The following PLIN3 variants were observed in gnomAD, a reference collection of about 807,000 sequenced individuals.
PLIN3 encodes the protein perilipin 3, also known as perilipin-3.
Under a neutral mutation model 35.9 loss-of-function variants are expected in PLIN3, and 30 were observed. The ratio of observed to expected loss-of-function variants is 0.84; its 90% confidence interval spans 0.62 to 1.13. The LOEUF is 1.13. PLIN3 is among the 50% of genes most tolerant of loss of function. PLIN3 has a pLI of 0.00. For missense variants in PLIN3, 603 were observed against 596.9 expected, an observed-to-expected ratio of 1.01 and a Z score of -0.11; for synonymous variants, 261 against 262.5, an observed-to-expected ratio of 0.99 and a Z score of 0.06.
intron 2 of PLIN3, 116 bp downstream of exon 2, chr19:4,861,213 G>A: frequency 1.2e-6 from 1 of 839,644 alleles, no homozygotes; most frequent in Non-Finnish European, 2.0e-6. Context: ...AAATCCCTCT[G>A]GCTCCGTGAG....
intron 2 of PLIN3, among the ~76,000 whole-genome samples, chr19:4,860,229 C>T (rs923485051): frequency 2.0e-5 from 3 of 152,180 alleles, no homozygotes; most frequent in African/African-American, 4.8e-5. Context: ...ATTTTTGAAA[C>T]GGAGTCTTGC....
rs768626141 is a variant in PLIN3 at position 4,852,200 on chromosome 19, C to T, written c.450G>A (p.Ala150=). Residue 150 remains alanine (A), a synonymous_variant, in exon 5 of 8, where the codon GCG becomes GCA. Coordinates refer to ENST00000221957, the MANE Select transcript of PLIN3 (RefSeq NM_005817.5). ...GCACAGCACCGCGGGTCGCGTCCAC[C>T]GCCTCCGACAATTGGGTGGCCACCG... ...KDTVATQLSE[A]VDATRGAVQS... is the part of the protein sequence containing the mutation. 5.6e-5 allele frequency: 90 copies of T among 1,612,794 alleles called. No individual in the cohort carries two copies. In the South Asian group the frequency reaches 8.2e-4, roughly 15 times the overall value.
chr19:4,842,423 T>C (rs947093433), intron 7 of PLIN3, among the ~76,000 whole-genome samples: 1 of 150,998 alleles, frequency 6.6e-6, no homozygotes, highest in Non-Finnish European at 1.5e-5. Flanking sequence ...AGTGAGACTC[T>C]GTCTCAAAAA....
At chr19:4,844,081 G>A (rs971962411) in intron 7 of PLIN3, among the ~76,000 whole-genome samples, 6 of 152,098 alleles carry the variant, frequency 3.9e-5, no homozygotes, top group African/African-American at 1.4e-4. Context: ...GCTTAAGTGG[G>A]TGGTGGGACA....
At chr19:4,841,685 A>C (rs1264144279) in intron 7 of PLIN3, among the ~76,000 whole-genome samples, 1 of 151,040 alleles carries the variant, frequency 6.6e-6, no homozygotes, top group Non-Finnish European at 1.5e-5. Flanking sequence ...GTGGATCATG[A>C]GGTCAGGACG....
intron 5 of PLIN3, among the ~76,000 whole-genome samples, chr19:4,850,651 G>C (rs1224634512): frequency 9.6e-6 from 1 of 104,218 alleles, no homozygotes; most frequent in African/African-American, 4.0e-5. Context: ...AGCCAGGATG[G>C]TCTCGATCTC....
chr19:4,863,457 G>A (rs1472559033), intron 1 of PLIN3, among the ~76,000 whole-genome samples: 17 of 141,494 alleles, frequency 1.2e-4, no homozygotes, highest in African/African-American at 4.0e-4. Flanking sequence ...AGATCGCGCC[G>A]CTGCACTCCA....
At chr19:4,860,695 G>A (rs2146214590) in intron 2 of PLIN3, among the ~76,000 whole-genome samples, 1 of 152,206 alleles carries the variant, frequency 6.6e-6, no homozygotes, top group Admixed American at 6.6e-5. Context: ...TTGGGGCCAG[G>A]AGCAGTGGCT....
At position 4,840,982 on chromosome 19, in the gene PLIN3, A is replaced by G. The variant is rs374440500; in HGVS notation, c.961-1446T>C. Among the ~76,000 whole-genome samples, 425 of 152,306 alleles carry G rather than the reference A, an allele frequency of 2.8e-3. 4 individuals carry two copies. The highest frequency in any genetic ancestry group is 3.7e-3 in the Non-Finnish European group (249 of 68,020). ...ACAAACAAAAACCCCAGAGGCTATC[A>G]GATGATACCCACTGTCAGTCAAGAG... On this transcript the variant is annotated intron_variant, in intron 7 of 7. Transcript: ENST00000221957.
At position 4,861,424 on chromosome 19, in the gene PLIN3, G is replaced by C; in HGVS notation, c.-17-13C>G. 6.3e-7 allele frequency: 1 copy of C among 1,595,764 alleles called. No individual in the cohort carries two copies. The highest frequency in any genetic ancestry group is 8.6e-7 in the Non-Finnish European group (1 of 1,168,204). ...TCTGCAGCAGACGCTGAGGAGAGAG[G>C]AACAGTCAGGTACAGCCTGCCTGGC... is the stretch of plus-strand genomic sequence containing the variant. On this transcript the variant is annotated splice_polypyrimidine_tract_variant and intron_variant, in intron 1 of 7. Coordinates refer to ENST00000221957, the MANE Select transcript of PLIN3 (RefSeq NM_005817.5).
chr19:4,847,940 G>C, intron 5 of PLIN3, 50 bp from the exon 6 acceptor site: 1 of 1,359,642 alleles, frequency 7.4e-7, no homozygotes, highest in Non-Finnish European at 1.0e-6. Flanking sequence ...CACACAGCTG[G>C]GCTCGTCCCA....
At chr19:4,855,127 A>G (rs1247636335) in intron 4 of PLIN3, among the ~76,000 whole-genome samples, 2 of 151,636 alleles carry the variant, frequency 1.3e-5, no homozygotes, top group Non-Finnish European at 2.9e-5. Flanking sequence ...ATGGGCGCCT[A>G]TAATCCCAGC....
intron 6 of PLIN3, among the ~76,000 whole-genome samples, chr19:4,845,952 C>T (rs1457519843): frequency 3.4e-5 from 5 of 145,190 alleles, no homozygotes; most frequent in African/African-American, 1.3e-4. Context: ...AGGCCGGGCG[C>T]GGTGGCTCAC....
chr19:4,852,690 G>T (rs1325689707), intron 4 of PLIN3, among the ~76,000 whole-genome samples: 1 of 151,938 alleles, frequency 6.6e-6, no homozygotes, highest in Non-Finnish European at 1.5e-5. Flanking sequence ...GCCCAGGCTG[G>T]AGTGCAGTGA....
In PLIN3 at chr19:4,852,150, G is replaced by A; in HGVS notation, c.500C>T (p.Ser167Phe). 1 of 1,614,054 alleles carries A rather than the reference G, an allele frequency of 6.2e-7. No homozygotes were observed. Among genetic ancestry groups the A allele is most frequent in the Non-Finnish European group, 8.5e-7 (1 of 1,180,010 alleles). ...CGATTGGACGCCGCCGGTCACTACG[G>A]ACTTTGTCTTGTCCACGCCGCTCTG... ...AVQSGVDKTKSVVTGGVQSVM... is the reference protein window; with the variant it reads ...AVQSGVDKTKFVVTGGVQSVM... Residue 167 changes from serine (S) to phenylalanine (F), a missense_variant, in exon 5 of 8, where the codon TCC (serine) becomes TTC (phenylalanine). Transcript: ENST00000221957.
chr19:4,845,752 A>G (rs149297153), intron 6 of PLIN3, among the ~76,000 whole-genome samples: 2,949 of 150,670 alleles, frequency 0.02, 75 homozygotes, highest in African/African-American at 0.065. Context: ...GTGAAACCCC[A>G]TCTCTACTAA....
intron 5 of PLIN3, among the ~76,000 whole-genome samples, 178 bp downstream of exon 5, chr19:4,851,838 C>T (rs12983495): frequency 0.25 from 38,196 of 151,668 alleles, 5,047 homozygotes; most frequent in East Asian, 0.38. Flanking sequence ...TGGATGAGGG[C>T]GGGAGCTGGT....
At chr19:4,850,426 T>G (rs1268660749) in intron 5 of PLIN3, among the ~76,000 whole-genome samples, 2 of 151,336 alleles carry the variant, frequency 1.3e-5, no homozygotes, top group Non-Finnish European at 2.9e-5. Flanking sequence ...TATTTTATTA[T>G]TATTATTTTT....
chr19:4,867,078 A>C (rs918129623), intron 1 of PLIN3: 2 of 152,268 alleles, frequency 1.3e-5, no homozygotes, highest in African/African-American at 4.8e-5. Context: ...CACCCGAGGG[A>C]AGTGGGCAGG....
Sources: allele counts gnomAD v4.1 joint callset (sites outside exome capture counted in the v4.1 genomes callset), GRCh38; gene constraint gnomAD v4.1.1; transcripts MANE v1.5; gene names NCBI Gene and HGNC (gene_info 2026-07-23, HGNC 2026-07-21).